PDCD11: variants seen among roughly 807,000 people sequenced by gnomAD.
The protein encoded by PDCD11 is programmed cell death 11.
Under a neutral mutation model 198.9 loss-of-function variants are expected in PDCD11, and 97 were observed. That is an observed-to-expected ratio of 0.49 (90% CI 0.41 to 0.58). The LOEUF (loss-of-function observed/expected upper bound fraction) is 0.58, where lower values mean the gene tolerates loss of function less well. PDCD11 is among the 20% of genes least tolerant of loss of function. The pLI, the probability that PDCD11 is intolerant of heterozygous loss-of-function variation, is 0.00. For missense variants in PDCD11, 2,102 were observed against 2,312.7 expected (o/e 0.91, Z 1.87); for synonymous variants, 893 against 918.0 (o/e 0.97, Z 0.49).
In PDCD11 at chr10:103,427,408, C is replaced by T. The variant is rs772485744; in HGVS notation, c.3368+17C>T. The T allele has an allele frequency of 3.7e-6, 6 of 1,601,136 alleles. No individual in the cohort carries two copies. Among genetic ancestry groups the T allele is most frequent in the Non-Finnish European group, 5.1e-6 (6 of 1,171,544 alleles). The stretch of plus-strand genomic sequence containing the variant: ...TCGGCCAAGGTGAGGGGGACATTAG[C>T]AGCACTGTCTTACGGAAAGAGCACT... On this transcript the variant is annotated intron_variant, in intron 21 of 35. Transcript: ENST00000369797.
At chr10:103,443,675 G>T (rs932350279) in intron 33 of PDCD11, among the ~76,000 whole-genome samples, 1 of 152,136 alleles carries the variant, frequency 6.6e-6, no homozygotes, top group African/African-American at 2.4e-5. Flanking sequence ...CATGTTCTAG[G>T]CTAGGACCGC....
chr10:103,437,976 T>G, intron 25 of PDCD11, 39 bp from the exon 26 acceptor site: 1 of 1,582,054 alleles, frequency 6.3e-7, no homozygotes, highest in Non-Finnish European at 8.7e-7. Context: ...TCACAGATGC[T>G]GAAAATTGAG....
Position 103,400,485 on chromosome 10 carries a change from G to A in PDCD11, c.191G>A (p.Ser64Asn), listed in dbSNP as rs2029962453. The A allele has an allele frequency of 2.5e-6, 4 of 1,613,996 alleles. No homozygotes were observed. Among genetic ancestry groups the A allele is most frequent in the Non-Finnish European group, 3.4e-6 (4 of 1,179,932 alleles). Residue 64 changes from serine to asparagine, a missense_variant, in exon 3 of 36, where the codon AGC becomes AAC. Physicochemically the swap from Ser to Asn is conservative, Grantham distance 46. Coordinates refer to ENST00000369797, the MANE Select transcript of PDCD11 (RefSeq NM_014976.2). ...TKKLKIEKRE[S>N]SKSAREKFEI... ...AAGTTGAAAATCGAAAAGAGAGAAA[G>A]CAGCAAGTCCGCAAGAGAGAAGTTT...
intron 4 of PDCD11, 75 bp downstream of exon 4, chr10:103,403,360 A>C: frequency 7.1e-7 from 1 of 1,407,586 alleles, no homozygotes; most frequent in Non-Finnish European, 9.8e-7. Flanking sequence ...CAACTTTGCC[A>C]GGTGCTAAGA....
intron 3 of PDCD11, among the ~76,000 whole-genome samples, chr10:103,402,477 T>G (rs2030160548): frequency 6.6e-6 from 1 of 152,180 alleles, no homozygotes; most frequent in East Asian, 1.9e-4. Context: ...TCACTCTTGT[T>G]GCCCAGGCTG....
chr10:103,413,456 C>G (rs570886786), intron 9 of PDCD11, 134 bp downstream of exon 9: 419 of 684,214 alleles, frequency 6.1e-4, no homozygotes, highest in Non-Finnish European at 9.5e-4. Flanking sequence ...AATTCCTGTT[C>G]ATAGTGATTA....
chr10:103,406,481 A>C, intron 6 of PDCD11, 128 bp from the exon 7 acceptor site: 1 of 756,336 alleles, frequency 1.3e-6, no homozygotes, highest in Non-Finnish European at 2.1e-6. Context: ...AAGATTGGGA[A>C]TTTGGGGAGT....
In PDCD11 at chr10:103,413,136, C is replaced by T. The variant is rs745777658; in HGVS notation, c.999C>T (p.Cys333=). Residue 333 remains cysteine (C), a synonymous_variant, in exon 9 of 36, where the codon TGC becomes TGT. Transcript: ENST00000369797. ...SNQAVRACIL[C]VHPRTRVVHL... Reference sequence around the variant, plus strand: ...TCTAGGTGAGGGCCTGCATCCTTTGCGTCCATCCTCGAACCAGAGTTGTGC... The same window carrying T: ...TCTAGGTGAGGGCCTGCATCCTTTGTGTCCATCCTCGAACCAGAGTTGTGC... 1.3e-5 allele frequency: 21 copies of T among 1,613,982 alleles called. No individual in the cohort carries two copies. The highest frequency in any genetic ancestry group is 1.1e-4 in the East Asian group (5 of 44,894).
At chr10:103,443,044 G>T in intron 32 of PDCD11, 121 bp from the exon 33 acceptor site, 1 of 782,204 alleles carries the variant, frequency 1.3e-6, no homozygotes, top group East Asian at 2.7e-5. Context: ...CTACATTTGG[G>T]GTGGGATCTG....
At chr10:103,418,659 G>A (rs2031254604) in intron 15 of PDCD11, 25 bp downstream of exon 15, 3 of 1,596,992 alleles carry the variant, frequency 1.9e-6, no homozygotes, top group Non-Finnish European at 8.6e-7. Context: ...TATCTGTGGA[G>A]CAGAGGAAGG....
At chr10:103,404,887 T>TG (rs2030351291) in intron 4 of PDCD11, 135 bp from the exon 5 acceptor site, 2 of 681,482 alleles carry the variant, frequency 2.9e-6, no homozygotes, top group South Asian at 2.0e-5. Context: ...CCTTTGTGGA[T>TG]GGGGGGTTAT....
At chr10:103,406,151 A>G in intron 6 of PDCD11, 43 bp downstream of exon 6, 1 of 1,600,346 alleles carries the variant, frequency 6.2e-7, no homozygotes, top group Non-Finnish European at 8.5e-7. Flanking sequence ...GTGAGGTGGT[A>G]CATGTGGGGA....
At chr10:103,416,782 A>G (rs773831511) in intron 13 of PDCD11, 40 bp downstream of exon 13, 1 of 1,598,532 alleles carries the variant, frequency 6.3e-7, no homozygotes, top group South Asian at 1.1e-5. Context: ...ACCCTTGGTG[A>G]CCCCACAAAC....
At chr10:103,406,483 T>C in intron 6 of PDCD11, 126 bp from the exon 7 acceptor site, 2 of 767,560 alleles carry the variant, frequency 2.6e-6, no homozygotes, top group South Asian at 2.0e-5. Context: ...GATTGGGAAT[T>C]TGGGGAGTAA....
intron 16 of PDCD11, 75 bp downstream of exon 16, chr10:103,419,783 G>A: frequency 1.5e-6 from 2 of 1,339,030 alleles, no homozygotes; most frequent in Non-Finnish European, 1.0e-6. Context: ...GTAGGGAGGA[G>A]TAGGATACTT....
In PDCD11 at chr10:103,433,997, G is replaced by T; in HGVS notation, c.3524G>T (p.Arg1175Leu). Residue 1175 changes from arginine (R) to leucine (L), a missense_variant, in exon 23 of 36, where the codon CGG becomes CTG. Arg to Leu is a moderately radical substitution (Grantham distance 102). Coordinates refer to ENST00000369797, the MANE Select transcript of PDCD11 (RefSeq NM_014976.2). The stretch of plus-strand genomic sequence containing the variant: ...GAGGTGGAGATTGCCCCAGACATCC[G>T]GGGGAGAATTCCCTTATTGCTCACT... Reference protein sequence around the residue: ...WLEVEIAPDIRGRIPLLLTSL... With the variant: ...WLEVEIAPDILGRIPLLLTSL... 1.2e-6 allele frequency: 2 copies of T among 1,613,834 alleles called. No individual in the cohort carries two copies. Among genetic ancestry groups the T allele is most frequent in the Non-Finnish European group, 1.7e-6 (2 of 1,179,720 alleles).
chr10:103,400,274 G>A (rs2029934844), intron 2 of PDCD11, 123 bp from the exon 3 acceptor site: 1 of 595,064 alleles, frequency 1.7e-6, no homozygotes. Flanking sequence ...TTGGGAGTGG[G>A]ATGGGGTAGG....
chr10:103,443,866 C>T, intron 33 of PDCD11, 49 bp from the exon 34 acceptor site: 1 of 1,580,612 alleles, frequency 6.3e-7, no homozygotes, highest in African/African-American at 1.3e-5. Context: ...CTGTCTTGTC[C>T]CCTCTGTAGT....
rs1190481522 is a variant in PDCD11 at position 103,419,570 on chromosome 10, A to G, written c.2139A>G (p.Thr713=). 1.2e-5 allele frequency: 19 copies of G among 1,614,002 alleles called. No individual in the cohort carries two copies. Among genetic ancestry groups the G allele is most frequent in the Non-Finnish European group, 1.4e-5 (17 of 1,179,998 alleles). Residue 713 remains threonine, a synonymous_variant, in exon 16 of 36, where the codon ACA becomes ACG. Transcript: ENST00000369797. Reference sequence around the variant, plus strand: ...GCAGGAAGCCAGCCTTGGTCTCCACAGTAGAAGGTGGCCAGGATCCCAAGA... The same window carrying G: ...GCAGGAAGCCAGCCTTGGTCTCCACGGTAGAAGGTGGCCAGGATCCCAAGA... ...LLCRKPALVS[T]VEGGQDPKNF... is the part of the protein sequence containing the mutation.
Sources: gnomAD v4.1 joint callset for allele counts (sites outside exome capture counted in the v4.1 genomes callset) on GRCh38, gnomAD v4.1.1 for gene constraint, MANE v1.5 for transcripts, NCBI Gene and HGNC (gene_info 2026-07-23, HGNC 2026-07-21) for gene names.